The following PLXNC1 variants were observed in gnomAD, a reference collection of about 807,000 sequenced individuals.
The protein encoded by PLXNC1 is plexin C1.
A neutral mutation model predicts 178.2 loss-of-function variants in PLXNC1; 75 were observed. The observed-to-expected ratio is 0.42, with a 90% CI of 0.35 to 0.51. The LOEUF (loss-of-function observed/expected upper bound fraction) is 0.51, where lower values mean the gene tolerates loss of function less well. Among genes scored for constraint, PLXNC1 ranks in the 20% least tolerant of loss-of-function variants. The probability of loss-of-function intolerance (pLI) is 0.02; values close to 1 mark genes in which losing one functional copy is unlikely to be tolerated. For synonymous variants in PLXNC1, 790 were observed against 779.9 expected (o/e 1.01, Z -0.22); for missense variants, 1,503 against 1,984.4 (o/e 0.76, Z 4.61).
intron 2 of PLXNC1, among the ~76,000 whole-genome samples, chr12:94,177,111 G>A (rs1403791650): frequency 1.5e-5 from 2 of 135,198 alleles, no homozygotes; most frequent in Non-Finnish European, 1.6e-5. Flanking sequence ...ATGTGTGTGT[G>A]TATATATGTG....
At chr12:94,193,903 T>C (rs1386294023) in intron 4 of PLXNC1, among the ~76,000 whole-genome samples, 2 of 152,142 alleles carry the variant, frequency 1.3e-5, no homozygotes, top group Admixed American at 1.3e-4. Flanking sequence ...GGACAGCCTA[T>C]GAGGACAGAG....
At chr12:94,304,368 T>C in intron 30 of PLXNC1, 1 of 219,960 alleles carries the variant, frequency 4.5e-6, no homozygotes, top group Admixed American at 5.6e-5. Flanking sequence ...TTATGCTTGA[T>C]TGTAATTTGC....
chr12:94,255,083 T>A, intron 16 of PLXNC1, 110 bp from the exon 17 acceptor site: 1 of 978,912 alleles, frequency 1.0e-6, no homozygotes, highest in Non-Finnish European at 1.6e-6. Flanking sequence ...TTATCTATTG[T>A]TTCTTCTTTA....
At chr12:94,194,825 A>C (rs1465118434) in intron 4 of PLXNC1, among the ~76,000 whole-genome samples, 1 of 152,184 alleles carries the variant, frequency 6.6e-6, no homozygotes, top group Non-Finnish European at 1.5e-5. Context: ...ACATCATTGT[A>C]GGCCCAGTGC....
intron 2 of PLXNC1, among the ~76,000 whole-genome samples, chr12:94,177,201 GTA>G (rs201569205): frequency 3.6e-4 from 22 of 61,668 alleles, no homozygotes; most frequent in African/African-American, 1.2e-3. Context: ...ATATATATAC[GTA>G]TATATATATG....
chr12:94,246,777 T>C (rs548168681), intron 12 of PLXNC1, among the ~76,000 whole-genome samples: 9 of 152,182 alleles, frequency 5.9e-5, no homozygotes, highest in Admixed American at 1.3e-4. Context: ...GGGCTATAGT[T>C]TGGAAAGATG....
At chr12:94,251,611 T>G (rs924506358) in intron 15 of PLXNC1, 83 bp downstream of exon 15, 17 of 859,924 alleles carry the variant, frequency 2.0e-5, no homozygotes, top group Non-Finnish European at 3.0e-5. Context: ...TTTCAGGGGC[T>G]GTTTGCTTCA....
chr12:94,276,022 C>T (rs1965931449), intron 21 of PLXNC1, among the ~76,000 whole-genome samples: 1 of 152,146 alleles, frequency 6.6e-6, no homozygotes, highest in Non-Finnish European at 1.5e-5. Flanking sequence ...GCTGTGGAGG[C>T]AGTGGCAGAT....
intron 3 of PLXNC1, among the ~76,000 whole-genome samples, chr12:94,181,879 CA>C (rs1220322585): frequency 3.9e-5 from 6 of 152,054 alleles, no homozygotes; most frequent in Admixed American, 1.3e-4. Flanking sequence ...ACTGAATTTA[CA>C]CATTTATTGT....
chr12:94,265,900 C>T (rs966019027), intron 21 of PLXNC1, among the ~76,000 whole-genome samples: 3 of 152,114 alleles, frequency 2.0e-5, no homozygotes, highest in African/African-American at 7.2e-5. Flanking sequence ...GTTTGGGGCA[C>T]ATTTGGGAAT....
At position 94,244,412 on chromosome 12, in the gene PLXNC1, G is replaced by C. The variant is rs117249199; in HGVS notation, c.2388+387G>C. On this transcript the variant is annotated intron_variant, in intron 12 of 30. Coordinates refer to ENST00000258526, the MANE Select transcript of PLXNC1 (RefSeq NM_005761.3). Reference sequence around the variant, plus strand: ...GGTGGTATTGTTCCCATTGCACAGAGAGAGTTGGGTTCACAGAGGTTAGAT... The same window carrying C: ...GGTGGTATTGTTCCCATTGCACAGACAGAGTTGGGTTCACAGAGGTTAGAT... Among the ~76,000 whole-genome samples the C allele has an allele frequency of 4.7e-4, 71 of 152,356 alleles. No individual in the cohort carries two copies. The East Asian group carries it at 0.012, about 26-fold the overall frequency.
At chr12:94,177,151 ATATATATATGTATATATATATATACG>A (rs1489392725) in intron 2 of PLXNC1, among the ~76,000 whole-genome samples, 1 of 48,260 alleles carries the variant, frequency 2.1e-5, no homozygotes, top group Non-Finnish European at 3.4e-5. Context: ...GTGTGTGTGT[ATATATATATGTATATATATATATACG>A]TATATATATG....
At chr12:94,283,845 A>C (rs1395064393) in intron 23 of PLXNC1, among the ~76,000 whole-genome samples, 1 of 152,168 alleles carries the variant, frequency 6.6e-6, no homozygotes, top group Non-Finnish European at 1.5e-5. Context: ...GCACTTCGGG[A>C]GGCTGAGGTG....
intron 4 of PLXNC1, among the ~76,000 whole-genome samples, chr12:94,189,338 G>A: frequency 6.6e-6 from 1 of 152,184 alleles, no homozygotes; most frequent in East Asian, 1.9e-4. Context: ...TAGGGGTAGG[G>A]ATGTGAAAAG....
rs1960824720 is a variant in PLXNC1 at position 94,148,858 on chromosome 12, G to C, written c.-114G>C. 5.8e-6 allele frequency: 1 copy of C among 172,018 alleles called. No individual in the cohort carries two copies. The highest frequency in any genetic ancestry group is 1.7e-4 in the South Asian group (1 of 6,046). 10.7% of individuals were successfully genotyped at this position (172,018 alleles called of 1,614,324 possible). A position where few individuals can be genotyped will look rare whatever the true frequency, so the allele number is the denominator to read the frequency against. On this transcript the variant is annotated 5_prime_UTR_variant, in exon 1 of 31. Coordinates refer to ENST00000258526, the MANE Select transcript of PLXNC1 (RefSeq NM_005761.3). This position sits in a 1 kb window ranked among gnomAD's most constrained non-coding sequence, Gnocchi z 4.8. ...CGAGCTGCGGGGATGGGGCGGCCGC[G>C]GGAGCCCGAGCGCGCGCAGGAACCG... is the stretch of plus-strand genomic sequence containing the variant.
chr12:94,267,889 C>T (rs1023419270), intron 21 of PLXNC1, among the ~76,000 whole-genome samples: 2 of 152,130 alleles, frequency 1.3e-5, no homozygotes, highest in Non-Finnish European at 2.9e-5. Flanking sequence ...CAAGCATGTA[C>T]ACCCAGCCAT....
intron 2 of PLXNC1, among the ~76,000 whole-genome samples, chr12:94,177,482 A>G (rs1372014983): frequency 6.6e-6 from 1 of 151,218 alleles, no homozygotes; most frequent in East Asian, 1.9e-4. Flanking sequence ...GATAACTTGT[A>G]AAAAAAGAAA....
chr12:94,236,318 G>A lies in PLXNC1; in HGVS notation c.1981-1346G>A, dbSNP rs984610055. On this transcript the variant is annotated intron_variant, in intron 9 of 30. Transcript: ENST00000258526. ...GATGAGTGATGGGGACGACTGTGCCGTGTAGCACCTGTGTGTGCTGGGGAG... is the reference window on the plus strand; with the variant it reads ...GATGAGTGATGGGGACGACTGTGCCATGTAGCACCTGTGTGTGCTGGGGAG... 5.3e-5 allele frequency among the ~76,000 whole-genome samples: 8 copies of A among 152,322 alleles called. No homozygotes were observed. The South Asian group carries it at 1.0e-3, about 20-fold the overall frequency.
chr12:94,226,490 T>A, intron 7 of PLXNC1, 115 bp from the exon 8 acceptor site: 1 of 413,902 alleles, frequency 2.4e-6, no homozygotes, highest in Non-Finnish European at 4.3e-6. Flanking sequence ...GTCCAGGGAT[T>A]TTTTTTTTTT....
Sources: gnomAD v4.1 joint callset for allele counts (sites outside exome capture counted in the v4.1 genomes callset) on GRCh38, gnomAD v4.1.1 for gene constraint, Gnocchi (gnomAD v3.1) non-coding constraint, MANE v1.5 for transcripts, NCBI Gene and HGNC (gene_info 2026-07-23, HGNC 2026-07-21) for gene names.